RTN3: variants seen among roughly 807,000 people sequenced by gnomAD.
RTN3 encodes reticulon-3.
In RTN3, 49 loss-of-function variants were observed where a neutral mutation model predicts 77.8. That is an observed-to-expected ratio of 0.63 (90% CI 0.50 to 0.80). The LOEUF is 0.80. RTN3 is among the 30% of genes least tolerant of loss of function. The probability of loss-of-function intolerance (pLI) is 0.00; values close to 1 mark genes in which losing one functional copy is unlikely to be tolerated. For synonymous variants in RTN3, 464 were observed against 446.9 expected, an observed-to-expected ratio of 1.04 and a Z score of -0.48; for missense variants, 1,236 against 1,211.9, an observed-to-expected ratio of 1.02 and a Z score of -0.29.
chr11:63,725,717 G>T (rs1203496762), intron 3 of RTN3, among the ~76,000 whole-genome samples: 1 of 152,190 alleles, frequency 6.6e-6, no homozygotes, highest in Non-Finnish European at 1.5e-5. Flanking sequence ...CTCCCAAAGT[G>T]CTGGAATTAC....
chr11:63,735,563 T>TCTCTCC (rs1565334180), intron 3 of RTN3, among the ~76,000 whole-genome samples: 1 of 139,544 alleles, frequency 7.2e-6, no homozygotes, highest in African/African-American at 2.7e-5. Context: ...TCTCTCTCTC[T>TCTCTCC]CTCTCTCTCT....
intron 2 of RTN3, among the ~76,000 whole-genome samples, chr11:63,718,015 CAAAAA>C (rs557512588): frequency 2.8e-3 from 279 of 100,778 alleles, no homozygotes; most frequent in African/African-American, 0.01. Context: ...GACTCCGTAT[CAAAAA>C]AAAAAAAAAA....
intron 1 of RTN3, among the ~76,000 whole-genome samples, chr11:63,702,471 C>T (rs558744407): frequency 1.3e-5 from 2 of 151,480 alleles, no homozygotes; most frequent in East Asian, 1.9e-4. Flanking sequence ...CGTGCCACCA[C>T]GCCTGGCTAA....
chr11:63,729,506 G>C (rs903596523), intron 3 of RTN3, among the ~76,000 whole-genome samples: 1 of 130,816 alleles, frequency 7.6e-6, no homozygotes, highest in African/African-American at 3.0e-5. Flanking sequence ...ATCCCAGTCT[G>C]GAGTGCAGTG....
intron 3 of RTN3, among the ~76,000 whole-genome samples, chr11:63,746,507 CTTTTTGT>C (rs1456824941): frequency 6.6e-5 from 10 of 151,610 alleles, no homozygotes; most frequent in East Asian, 5.8e-4. Flanking sequence ...GGAAATTTTG[CTTTTTGT>C]TTTTTGTTTT....
chr11:63,755,726 G>A (rs1218024463), intron 7 of RTN3, among the ~76,000 whole-genome samples: 3 of 149,906 alleles, frequency 2.0e-5, no homozygotes, highest in Non-Finnish European at 3.0e-5. Context: ...TTGGGAGGCC[G>A]AGGTGGGTGG....
rs1372358738 is a variant in RTN3, at chr11:63,719,038, A to G, written c.536A>G (p.Gln179Arg). The stretch of plus-strand genomic sequence containing the variant: ...AAGAAAATTGGTCAAGTGGAAGAGC[A>G]AATAGATAAAGAGACCAAGAACCCA... ...LSKKIGQVEEQIDKETKNPNG... is the reference protein window; with the variant it reads ...LSKKIGQVEERIDKETKNPNG... Residue 179 changes from glutamine to arginine, a missense_variant, in exon 3 of 9, where the codon CAA becomes CGA. By Grantham distance (43) the Gln-to-Arg change is conservative (BLOSUM62 1). This residue lies in a region of RTN3 where 1,056 missense variants were observed against 990.4 expected (regional missense o/e 1.07). Coordinates refer to ENST00000377819, the MANE Select transcript of RTN3 (RefSeq NM_001265589.2). The G allele has an allele frequency of 6.2e-7, 1 of 1,614,222 alleles. No individual in the cohort carries two copies. Among genetic ancestry groups the G allele is most frequent in the Non-Finnish European group, 8.5e-7 (1 of 1,180,034 alleles).
At chr11:63,733,220 C>T (rs534139770) in intron 3 of RTN3, among the ~76,000 whole-genome samples, 4 of 151,680 alleles carry the variant, frequency 2.6e-5, no homozygotes, top group South Asian at 2.1e-4. Flanking sequence ...TTGGGAGGAC[C>T]GAGGCAGGCA....
intron 3 of RTN3, among the ~76,000 whole-genome samples, chr11:63,728,227 C>T (rs2012418672): frequency 6.6e-6 from 1 of 152,146 alleles, no homozygotes; most frequent in African/African-American, 2.4e-5. Flanking sequence ...GATTCCCAAC[C>T]AAGGAAGCTC....
rs935862219 is a variant in RTN3, at chr11:63,756,248, G to T, written c.3053+78G>T. ...TTATCTTTAGTCCCTTGTACAAAAT[G>T]CAGATGCCAAGGAAAGTAATTTTCA... On this transcript the variant is annotated intron_variant, in intron 8 of 8. Transcript: ENST00000377819. 5 of 934,926 alleles carry T rather than the reference G, an allele frequency of 5.3e-6. No individual in the cohort carries two copies. The African/African-American group carries it at 8.4e-5, about 16-fold the overall frequency. The allele number at this position is 934,926 out of a possible 1,614,324, so 57.9% of individuals were successfully genotyped here. A position where few individuals can be genotyped will look rare whatever the true frequency, so the allele number is the denominator to read the frequency against.
At chr11:63,752,286 C>G (rs2014147445) in intron 4 of RTN3, among the ~76,000 whole-genome samples, 1 of 151,938 alleles carries the variant, frequency 6.6e-6, no homozygotes, top group Non-Finnish European at 1.5e-5. Flanking sequence ...TAGGTCAGTT[C>G]TTTACTGTGC....
chr11:63,714,310 C>T (rs1028272755), intron 2 of RTN3: 2 of 324,292 alleles, frequency 6.2e-6, no homozygotes, highest in East Asian at 1.6e-4. Flanking sequence ...TTAGCGCCTG[C>T]ATCTCACAAT....
intron 3 of RTN3, chr11:63,747,140 G>A (rs2013844419): frequency 5.0e-6 from 2 of 398,918 alleles, no homozygotes; most frequent in Non-Finnish European, 1.0e-5. Flanking sequence ...ATTAGATGCA[G>A]GTTACATGTT....
intron 7 of RTN3, among the ~76,000 whole-genome samples, chr11:63,755,249 AC>A (rs1365776319): frequency 6.6e-6 from 1 of 152,170 alleles, no homozygotes; most frequent in Non-Finnish European, 1.5e-5. Flanking sequence ...GAAAATACTT[AC>A]CAAGTAAGAC....
chr11:63,706,345 A>C (rs1397603643), intron 2 of RTN3, among the ~76,000 whole-genome samples: 1 of 152,100 alleles, frequency 6.6e-6, no homozygotes, highest in Non-Finnish European at 1.5e-5. Context: ...ACATGCCACC[A>C]TGCCCTGCTA....
At position 63,681,738 on chromosome 11, in the gene RTN3, C is replaced by A; in HGVS notation, c.102C>A (p.Cys34Ter). Residue 34 changes from cysteine (C) to a stop codon, truncating the protein, a stop_gained, in exon 1 of 9, where the codon TGC (cysteine) becomes TGA (stop). Transcript: ENST00000377819. LOFTEE classifies it high-confidence loss of function. ...GCGGCGGCGGGAGCCCAGGAGCCTG[C>A]CCCGCCCTGGGGACGAAGAGCTGCA... is the stretch of plus-strand genomic sequence containing the variant. ...APGGGGSPGA[C>*]PALGTKSCSS... 6.2e-7 allele frequency: 1 copy of A among 1,607,008 alleles called. No homozygotes were observed. The highest frequency in any genetic ancestry group is 8.5e-7 in the Non-Finnish European group (1 of 1,177,922).
At chr11:63,716,342 A>G (rs1446503718) in intron 2 of RTN3, among the ~76,000 whole-genome samples, 1 of 152,248 alleles carries the variant, frequency 6.6e-6, no homozygotes, top group Non-Finnish European at 1.5e-5. Context: ...AAAAGGGAAC[A>G]TAAGCTGAAT....
chr11:63,728,980 A>G (rs1292918792), intron 3 of RTN3, among the ~76,000 whole-genome samples: 2 of 152,000 alleles, frequency 1.3e-5, no homozygotes, highest in East Asian at 3.8e-4. Flanking sequence ...TTCTTACTAG[A>G]AACCACAGAT....
chr11:63,682,357 T>C (rs1393764318), intron 1 of RTN3, among the ~76,000 whole-genome samples: 1 of 152,136 alleles, frequency 6.6e-6, no homozygotes, highest in Non-Finnish European at 1.5e-5. Flanking sequence ...TTTACTGTTT[T>C]CGGCTAGACT....
Sources: allele counts gnomAD v4.1 joint callset (sites outside exome capture counted in the v4.1 genomes callset), GRCh38; gene constraint gnomAD v4.1.1; regional missense constraint gnomAD v4.1.1; transcripts MANE v1.5; gene names NCBI Gene and HGNC (gene_info 2026-07-23, HGNC 2026-07-21).